Variants in CCDC91 observed in about 807,000 individuals in gnomAD.
CCDC91 encodes coiled-coil domain containing 91, also known as coiled-coil domain-containing protein 91.
Under a neutral mutation model 63.2 loss-of-function variants are expected in CCDC91, and 48 were observed. The observed-to-expected ratio is 0.76, with a 90% confidence interval of 0.60 to 0.97. The LOEUF (loss-of-function observed/expected upper bound fraction) is 0.97. Among genes scored for constraint, CCDC91 ranks in the 50% least tolerant of loss-of-function variants. The probability of loss-of-function intolerance (pLI) is 0.00; values close to 1 mark genes in which losing one functional copy is unlikely to be tolerated. For synonymous variants in CCDC91, 167 were observed against 165.8 expected (o/e 1.01, Z -0.06); for missense variants, 500 against 494.6 (o/e 1.01, Z -0.10).
At chr12:28,521,332 C>A (rs572716638) in intron 12 of CCDC91, among the ~76,000 whole-genome samples, 101 of 152,140 alleles carry the variant, frequency 6.6e-4, no homozygotes, top group African/African-American at 2.4e-3. Flanking sequence ...CTCTTTGAAG[C>A]AATTGTGAAT....
intron 12 of CCDC91, among the ~76,000 whole-genome samples, chr12:28,507,415 C>T (rs1372620865): frequency 2.0e-5 from 3 of 151,912 alleles, no homozygotes; most frequent in Non-Finnish European, 2.9e-5. Flanking sequence ...GTAGCCACCC[C>T]CTAGTTGTTA....
chr12:28,284,936 A>G (rs1013953713), intron 3 of CCDC91, among the ~76,000 whole-genome samples: 1 of 152,212 alleles, frequency 6.6e-6, no homozygotes, highest in Non-Finnish European at 1.5e-5. Context: ...TATGTGAAAC[A>G]TAACTCTCTT....
chr12:28,342,512 C>G (rs1334839540), intron 6 of CCDC91, among the ~76,000 whole-genome samples: 1 of 152,108 alleles, frequency 6.6e-6, no homozygotes, highest in Non-Finnish European at 1.5e-5. Context: ...ATAGAAAATT[C>G]TTCAGTGTAT....
intron 1 of CCDC91, among the ~76,000 whole-genome samples, chr12:28,239,282 G>C (rs575383948): frequency 2.0e-4 from 30 of 152,184 alleles, no homozygotes; most frequent in African/African-American, 7.2e-4. Context: ...CAAATGGATG[G>C]AGCTGTCATG....
At chr12:28,264,585 C>CTGTGTGTGTGTG (rs34854850) in intron 3 of CCDC91, among the ~76,000 whole-genome samples, 4,624 of 137,240 alleles carry the variant, frequency 0.034, 190 homozygotes, top group African/African-American at 0.094. Context: ...ATATGTCTGT[C>CTGTGTGTGTGTG]TGTGTGTGTG....
chr12:28,269,031 G>A (rs1451717347), intron 3 of CCDC91, among the ~76,000 whole-genome samples: 1 of 152,128 alleles, frequency 6.6e-6, no homozygotes, highest in African/African-American at 2.4e-5. Context: ...GAGACTTACA[G>A]GACAAGTACA....
intron 8 of CCDC91, among the ~76,000 whole-genome samples, chr12:28,414,271 A>G (rs1947502942): frequency 6.6e-6 from 1 of 152,168 alleles, no homozygotes; most frequent in South Asian, 2.1e-4. Context: ...AAAAGTTGAG[A>G]AATATTGTAA....
chr12:28,261,467 G>T (rs1172104574), intron 3 of CCDC91, among the ~76,000 whole-genome samples: 1 of 151,832 alleles, frequency 6.6e-6, no homozygotes, highest in Non-Finnish European at 1.5e-5. Context: ...ACAGAAATTA[G>T]AAGTAGAAAA....
At chr12:28,300,380 C>T (rs530121867) in intron 3 of CCDC91, among the ~76,000 whole-genome samples, 11 of 151,652 alleles carry the variant, frequency 7.3e-5, no homozygotes, top group African/African-American at 2.6e-4. Context: ...ACTTGCTTCA[C>T]ACATACTTGG....
At chr12:28,457,753 T>C (rs1950117822) in intron 11 of CCDC91, among the ~76,000 whole-genome samples, 1 of 152,008 alleles carries the variant, frequency 6.6e-6, no homozygotes, top group Non-Finnish European at 1.5e-5. Context: ...GTACTTTTTT[T>C]CTGAGATAAT....
intron 1 of CCDC91, among the ~76,000 whole-genome samples, chr12:28,252,279 G>A (rs1392078156): frequency 6.6e-6 from 1 of 151,604 alleles, no homozygotes; most frequent in Non-Finnish European, 1.5e-5. Flanking sequence ...TTGGACAGTT[G>A]ATATACCCAT....
At chr12:28,359,965 G>A (rs577016621) in intron 6 of CCDC91, among the ~76,000 whole-genome samples, 47 of 152,232 alleles carry the variant, frequency 3.1e-4, no homozygotes, top group Non-Finnish European at 6.2e-4. Context: ...TTGTTTGCTT[G>A]TTTATAGTGT....
rs756480040 is a variant in CCDC91, at chr12:28,307,756, C to A, written c.576+7C>A. 2.1e-6 allele frequency: 3 copies of A among 1,418,686 alleles called. No homozygotes were observed. Among genetic ancestry groups the A allele is most frequent in the Non-Finnish European group, 2.9e-6 (3 of 1,018,866 alleles). The allele number at this position is 1,418,686 out of a possible 1,614,324, so 87.9% of individuals were successfully genotyped here. ...TAGATACAAAGAACTTCAGGTAAGG[C>A]GATTGAACTTAAGATTTAAAATGTA... On this transcript the variant is annotated splice_region_variant and intron_variant, in intron 6 of 12. Transcript: ENST00000536442.
chr12:28,334,985 ATG>A (rs35825461), intron 6 of CCDC91, among the ~76,000 whole-genome samples: 39,969 of 147,846 alleles, frequency 0.27, 5,853 homozygotes, highest in East Asian at 0.56. Flanking sequence ...TTCAGTGTTT[ATG>A]TGTGTGTGTA....
chr12:28,293,939 G>A (rs1592227221), intron 3 of CCDC91, among the ~76,000 whole-genome samples: 2 of 152,028 alleles, frequency 1.3e-5, no homozygotes, highest in African/African-American at 4.8e-5. Context: ...TTAACTACTG[G>A]AAAAATAACA....
At chr12:28,296,413 T>A (rs1402259026) in intron 3 of CCDC91, among the ~76,000 whole-genome samples, 1 of 151,894 alleles carries the variant, frequency 6.6e-6, no homozygotes, top group Non-Finnish European at 1.5e-5. Context: ...TCTTTGTTTA[T>A]AGTATGCCAA....
chr12:28,545,742 GGT>G (rs1942943375), intron 12 of CCDC91, among the ~76,000 whole-genome samples: 1 of 151,834 alleles, frequency 6.6e-6, no homozygotes, highest in African/African-American at 2.4e-5. Flanking sequence ...AGAAGCGTGT[GGT>G]GTGTTTAAAC....
At chr12:28,275,147 C>T (rs1447318662) in intron 3 of CCDC91, among the ~76,000 whole-genome samples, 1 of 151,914 alleles carries the variant, frequency 6.6e-6, no homozygotes, top group Non-Finnish European at 1.5e-5. Context: ...GATAGAGACA[C>T]AAAAAACCCT....
intron 6 of CCDC91, among the ~76,000 whole-genome samples, chr12:28,337,060 T>C (rs1942038970): frequency 1.3e-5 from 2 of 152,148 alleles, no homozygotes; most frequent in African/African-American, 4.8e-5. Context: ...TGGTTCAAGT[T>C]ACTAAGCGTT....
Sources: allele counts gnomAD v4.1 joint callset (sites outside exome capture counted in the v4.1 genomes callset), GRCh38; gene constraint gnomAD v4.1.1; transcripts MANE v1.5; gene names NCBI Gene and HGNC (gene_info 2026-07-23, HGNC 2026-07-21).